CAPN10: variants seen among roughly 807,000 people sequenced by gnomAD.
CAPN10 encodes calpain-10.
Under a neutral mutation model 78.4 loss-of-function variants are expected in CAPN10, and 71 were observed. The observed-to-expected ratio is 0.91, with a 90% confidence interval of 0.75 to 1.10. The LOEUF (loss-of-function observed/expected upper bound fraction) is 1.10, where lower values mean the gene tolerates loss of function less well. Ranked by LOEUF, CAPN10 falls within the 50% of genes least tolerant of loss-of-function variation. The pLI, the probability that CAPN10 is intolerant of heterozygous loss-of-function variation, is 0.00. For missense variants in CAPN10, 849 were observed against 924.6 expected (o/e 0.92, Z 1.06); for synonymous variants, 437 against 407.2 (o/e 1.07, Z -0.88).
intron 4 of CAPN10, among the ~76,000 whole-genome samples, chr2:240,593,585 T>C (rs1310079537): frequency 6.6e-6 from 1 of 152,254 alleles, no homozygotes; most frequent in Non-Finnish European, 1.5e-5. Context: ...GTTTGAGAAC[T>C]GGTGCTGTGC....
chr2:240,595,395 A>T (rs1218582634), intron 7 of CAPN10, 91 bp downstream of exon 7: 1 of 1,385,526 alleles, frequency 7.2e-7, no homozygotes. Context: ...CTGCCGGGAC[A>T]CATGTGACTC....
rs17846979 is a variant in CAPN10 at position 240,596,846 on chromosome 2, C to T, written c.1647C>T (p.Pro549=). 213 of 1,613,576 alleles carry T rather than the reference C, an allele frequency of 1.3e-4. No individual in the cohort carries two copies. In the East Asian group the frequency reaches 3.3e-3, roughly 25 times the overall value. The change falls in exon 9 of 12, where the codon CCC becomes CCT. Residue 549 remains proline, a synonymous_variant. Transcript: ENST00000391984. ...ACCCCTGCTTCCCCTTCTCGGTCCC[C>T]GAGGGCCCTGGCCCCCGCTGCGTCC... ...PTNPCFPFSV[P]EGPGPRCVRI...
At position 240,586,813 on chromosome 2, in the gene CAPN10, G is replaced by A. The variant is rs1007319525; in HGVS notation, c.-99G>A. 1 of 1,197,136 alleles carries A rather than the reference G, an allele frequency of 8.4e-7. No homozygotes were observed. Among genetic ancestry groups the A allele is most frequent in the Non-Finnish European group, 1.1e-6 (1 of 937,008 alleles). 74.2% of individuals were successfully genotyped at this position (1,197,136 alleles called of 1,614,324 possible). ...TGGAGGGCTGGGCCGGGCGGGGAAC[G>A]GGCGGGGCGGGCCGGAGGCGGCGGC... On this transcript the variant is annotated 5_prime_UTR_variant, in exon 1 of 12. Coordinates refer to ENST00000391984, the MANE Select transcript of CAPN10 (RefSeq NM_023083.4).
At chr2:240,594,252 G>A (rs1263270243) in intron 5 of CAPN10, 2 of 596,860 alleles carry the variant, frequency 3.4e-6, no homozygotes, top group Non-Finnish European at 5.7e-6. Context: ...TTGGGCCTGG[G>A]GTTTCAATAG....
rs762425976 is a variant in CAPN10, at chr2:240,597,922, C to G, written c.1778C>G (p.Pro593Arg). 1.9e-6 allele frequency: 3 copies of G among 1,611,118 alleles called. No individual in the cohort carries two copies. The highest frequency in any genetic ancestry group is 1.3e-5 in the African/African-American group (1 of 74,976). Residue 593 changes from proline (P) to arginine (R), a missense_variant, in exon 10 of 12, where the codon CCA becomes CGA. Physicochemically the swap from Pro to Arg is moderately radical, Grantham distance 103 (BLOSUM62 -2). Transcript: ENST00000391984. Reference sequence around the variant, plus strand: ...GGTGGAAGGAGCCAGGACGCACCCCCACTGCTGCTGCAGGAGCCGCTGCTG... The same window carrying G: ...GGTGGAAGGAGCCAGGACGCACCCCGACTGCTGCTGCAGGAGCCGCTGCTG... ...PEGGRSQDAP[P>R]LLLQEPLLSC...
chr2:240,594,801 G>A, intron 6 of CAPN10, 92 bp downstream of exon 6: 1 of 1,082,658 alleles, frequency 9.2e-7, no homozygotes, highest in Non-Finnish European at 1.2e-6. Flanking sequence ...CCCAGGCCCA[G>A]TTTGGTTCTC....
In CAPN10 at chr2:240,590,970, G is replaced by A. The variant is rs749761334; in HGVS notation, c.429G>A (p.Glu143=). ...GRLCFSRCQR[E]DVFWLPLLEK... ...TCTGTTTCTCCCGCTGCCAGAGGGA[G>A]GATGTGTTCTGGCTCCCCTTACTGG... The change falls in exon 3 of 12, where the codon GAG becomes GAA. Residue 143 remains glutamate, a synonymous_variant. Coordinates refer to ENST00000391984, the MANE Select transcript of CAPN10 (RefSeq NM_023083.4). 6 of 1,614,216 alleles carry A rather than the reference G, an allele frequency of 3.7e-6. No individual in the cohort carries two copies. Among genetic ancestry groups the A allele is most frequent in the South Asian group, 1.1e-5 (1 of 91,086 alleles).
chr2:240,596,224 C>T, intron 7 of CAPN10, 95 bp from the exon 8 acceptor site: 1 of 1,485,922 alleles, frequency 6.7e-7, no homozygotes, highest in South Asian at 1.4e-5. Context: ...CATCTGTCAA[C>T]TCCAGAGGCC....
intron 7 of CAPN10, chr2:240,596,077 C>A: frequency 6.5e-7 from 1 of 1,532,812 alleles, no homozygotes; most frequent in Non-Finnish European, 8.8e-7. Flanking sequence ...CCTTTGTGGG[C>A]CCAGCTACAA....
chr2:240,589,625 G>A, intron 2 of CAPN10, 151 bp downstream of exon 2: 2 of 1,004,254 alleles, frequency 2.0e-6, no homozygotes, highest in Admixed American at 2.8e-5. Flanking sequence ...TTCCAAGGCA[G>A]AGGCTGAGGA....
At position 240,590,715 on chromosome 2, in the gene CAPN10, T is replaced by TG. The variant is rs2093096183; in HGVS notation, c.274-98dup. 2.2e-5 allele frequency: 23 copies of TG among 1,059,936 alleles called. No homozygotes were observed. The South Asian group carries it at 3.3e-4, about 15-fold the overall frequency. 65.7% of individuals were successfully genotyped at this position (1,059,936 alleles called of 1,614,324 possible). ...AGTTCTCTGCAGACCGCGGTGCCTG[T>TG]GGAGCACTCAGCTGTGGCCACACCG... On this transcript the variant is annotated intron_variant, in intron 2 of 11. Transcript: ENST00000391984.
Position 240,598,756 on chromosome 2 carries a change from G to A in CAPN10, c.*76G>A. The A allele has an allele frequency of 7.3e-7, 1 of 1,372,898 alleles. No homozygotes were observed. 85.0% of individuals were successfully genotyped at this position (1,372,898 alleles called of 1,614,324 possible). ...AGGTTCCCAGCAGCTGGGCCGGCCA[G>A]CCTTGCACTGTGGGGGCTGGTCCTG... On this transcript the variant is annotated 3_prime_UTR_variant, in exon 12 of 12. Coordinates refer to ENST00000391984, the MANE Select transcript of CAPN10 (RefSeq NM_023083.4).
At position 240,595,942 on chromosome 2, in the gene CAPN10, A is replaced by T; in HGVS notation, c.1279-377A>T. On this transcript the variant is annotated intron_variant, in intron 7 of 11. Transcript: ENST00000391984. ...CTTGTGTGTCTTGACAGGGTGTGAC[A>T]CTTGGCACCACACTGTTCCCTGTCC... 3.0e-6 allele frequency: 4 copies of T among 1,343,456 alleles called. No individual in the cohort carries two copies. The South Asian group carries it at 3.7e-5, about 12-fold the overall frequency. 83.2% of individuals were successfully genotyped at this position (1,343,456 alleles called of 1,614,324 possible).
chr2:240,595,432 C>G (rs992283859), intron 7 of CAPN10, 128 bp downstream of exon 7: 11 of 1,020,646 alleles, frequency 1.1e-5, no homozygotes, highest in African/African-American at 3.2e-5. Context: ...AGTCTCCCCC[C>G]TCCTTGGGCT....
rs2093121669 is a variant in CAPN10 at position 240,594,287 on chromosome 2, C to T, written c.830+240C>T. 5.2e-6 allele frequency: 3 copies of T among 580,988 alleles called. No homozygotes were observed. In the South Asian group the frequency reaches 7.3e-5, roughly 14 times the overall value. The allele number at this position is 580,988 out of a possible 1,614,324, so 36.0% of individuals were successfully genotyped here. A position where few individuals can be genotyped will look rare whatever the true frequency, so the allele number is the denominator to read the frequency against. On this transcript the variant is annotated intron_variant, in intron 5 of 11. Coordinates refer to ENST00000391984, the MANE Select transcript of CAPN10 (RefSeq NM_023083.4). ...GGGCAGACATCATCACGGGCTCGGG[C>T]AGCAGTCCTGGGAAGACGCATCCAG...
intron 5 of CAPN10, 61 bp downstream of exon 5, chr2:240,594,108 T>G: frequency 6.7e-7 from 1 of 1,483,356 alleles, no homozygotes; most frequent in Non-Finnish European, 9.0e-7. Flanking sequence ...CAGTCTGGCC[T>G]GTGTCCTGGT....
At chr2:240,591,334 T>C (rs2125459375) in intron 3 of CAPN10, 1 of 304,190 alleles carries the variant, frequency 3.3e-6, no homozygotes, top group Non-Finnish European at 6.2e-6. Context: ...TGTTGTGGAG[T>C]GGTTGGGACA....
chr2:240,593,613 T>C (rs3792273), intron 4 of CAPN10, among the ~76,000 whole-genome samples: 19,153 of 152,274 alleles, frequency 0.13, 1,453 homozygotes, highest in South Asian at 0.19. Context: ...CGTGCACAGA[T>C]GGGTACGGAC....
At chr2:240,594,953 A>C in intron 6 of CAPN10, 71 bp from the exon 7 acceptor site, 1 of 1,535,606 alleles carries the variant, frequency 6.5e-7, no homozygotes, top group Non-Finnish European at 8.9e-7. Context: ...GCCAGGGTTC[A>C]TGAGGCCACC....
Sources: gnomAD v4.1 joint callset for allele counts (sites outside exome capture counted in the v4.1 genomes callset) on GRCh38, gnomAD v4.1.1 for gene constraint, MANE v1.5 for transcripts, NCBI Gene and HGNC (gene_info 2026-07-23, HGNC 2026-07-21) for gene names.